The following PCDHGB3 variants were observed in gnomAD, a reference collection of about 807,000 sequenced individuals.
The protein encoded by PCDHGB3 is protocadherin gamma subfamily B, 3.
A neutral mutation model predicts 59.2 loss-of-function variants in PCDHGB3; 40 were observed. The observed-to-expected ratio is 0.68, with a 90% CI of 0.52 to 0.88. The LOEUF is 0.88. Among genes scored for constraint, PCDHGB3 ranks in the 40% least tolerant of loss-of-function variants. The pLI is 0.00. For synonymous variants in PCDHGB3, 581 were observed against 503.6 expected (o/e 1.15, Z -2.06); for missense variants, 1,309 against 1,187.9 (o/e 1.10, Z -1.50).
intron 1 of PCDHGB3, among the ~76,000 whole-genome samples, chr5:141,483,361 A>C (rs752805137): frequency 4.6e-5 from 7 of 152,102 alleles, no homozygotes; most frequent in Non-Finnish European, 7.4e-5. Flanking sequence ...TTTGAAAGCT[A>C]TTGCAATATT....
intron 1 of PCDHGB3, among the ~76,000 whole-genome samples, chr5:141,446,394 A>C (rs796472404): frequency 1.1e-4 from 17 of 152,344 alleles, no homozygotes; most frequent in African/African-American, 3.4e-4. Context: ...ATTTAAGAGA[A>C]ATCGAGTTGA....
intron 1 of PCDHGB3, among the ~76,000 whole-genome samples, chr5:141,461,733 C>G (rs930217307): frequency 2.0e-5 from 3 of 152,168 alleles, no homozygotes; most frequent in African/African-American, 2.4e-5. Context: ...TGCAGTGGCA[C>G]AATCCCGGCT....
intron 1 of PCDHGB3, chr5:141,428,910 A>C (rs956124609): frequency 1.3e-5 from 2 of 151,302 alleles, no homozygotes; most frequent in Non-Finnish European, 2.9e-5. Context: ...GCTGGAGTGC[A>C]GTGGCATGAT....
At chr5:141,510,335 AC>A (rs1247622083) in intron 3 of PCDHGB3, among the ~76,000 whole-genome samples, 1 of 149,138 alleles carries the variant, frequency 6.7e-6, no homozygotes, top group African/African-American at 2.5e-5. Context: ...CTTCACCCCC[AC>A]CCCACACACT....
intron 2 of PCDHGB3, among the ~76,000 whole-genome samples, chr5:141,503,456 A>G (rs920770738): frequency 1.3e-5 from 2 of 152,058 alleles, no homozygotes; most frequent in African/African-American, 4.8e-5. Context: ...TTCGCTGGGC[A>G]TGGTGGCATG....
intron 1 of PCDHGB3, among the ~76,000 whole-genome samples, 199 bp downstream of exon 1, chr5:141,373,008 C>T (rs1031800528): frequency 6.6e-6 from 1 of 152,074 alleles, no homozygotes; most frequent in Non-Finnish European, 1.5e-5. Flanking sequence ...CATAGAAAGC[C>T]TCCTTTTGAT....
At chr5:141,448,822 G>A (rs924937891) in intron 1 of PCDHGB3, among the ~76,000 whole-genome samples, 4 of 152,048 alleles carry the variant, frequency 2.6e-5, no homozygotes, top group African/African-American at 9.7e-5. Context: ...GCGGGCGCCT[G>A]TAGTCCCAGC....
At chr5:141,410,560 A>C (rs769354927) in intron 1 of PCDHGB3, 42 of 1,612,824 alleles carry the variant, frequency 2.6e-5, no homozygotes, top group Non-Finnish European at 3.5e-5. Context: ...TTTCTCCTGG[A>C]GCCTTAATTC....
At position 141,477,100 on chromosome 5, in the gene PCDHGB3, C is replaced by A. The variant is rs970613825; in HGVS notation, c.2416-17707C>A. On this transcript the variant is annotated intron_variant, in intron 1 of 3. Transcript: ENST00000576222. This position sits in a 1 kb window ranked among gnomAD's most constrained non-coding sequence, Gnocchi z 4.9. ...TTTACATCCAGGCCAAAGACAAGGGCGCCAATCCCGAAGGAGCACATTGCA... is the reference window on the plus strand; with the variant it reads ...TTTACATCCAGGCCAAAGACAAGGGAGCCAATCCCGAAGGAGCACATTGCA... 1 of 1,614,216 alleles carries A rather than the reference C, an allele frequency of 6.2e-7. No homozygotes were observed. Among genetic ancestry groups the A allele is most frequent in the Non-Finnish European group, 8.5e-7 (1 of 1,180,040 alleles).
intron 1 of PCDHGB3, among the ~76,000 whole-genome samples, chr5:141,464,882 A>T (rs1418376370): frequency 6.6e-6 from 1 of 151,918 alleles, no homozygotes; most frequent in Middle Eastern, 3.2e-3. Context: ...AGGACTACAG[A>T]TGGATGCCAC....
chr5:141,426,559 C>T (rs1401963895), intron 1 of PCDHGB3: 1 of 353,038 alleles, frequency 2.8e-6, no homozygotes, highest in Non-Finnish European at 5.6e-6. Context: ...CAGAATAGAT[C>T]GAGAGTCACT....
At chr5:141,444,752 T>C (rs1376810825) in intron 1 of PCDHGB3, among the ~76,000 whole-genome samples, 2 of 152,228 alleles carry the variant, frequency 1.3e-5, no homozygotes, top group Non-Finnish European at 2.9e-5. Context: ...CTGATATATG[T>C]AGTTCTATTT....
chr5:141,395,542 T>TTGTTTGTGTGTG (rs1267535064), intron 1 of PCDHGB3: 12 of 168,716 alleles, frequency 7.1e-5, no homozygotes, highest in African/African-American at 6.9e-4. Flanking sequence ...TTGCTATTGT[T>TTGTTTGTGTGTG]TGTGTGTGTG....
At position 141,371,867 on chromosome 5, in the gene PCDHGB3, C is replaced by A. The variant is rs1452583584; in HGVS notation, c.1473C>A (p.Ile491=). ...LGPNGLVSYY[I]VASDLEPREL... ...CTAATGGCCTTGTCTCCTACTACAT[C>A]GTGGCCAGTGACCTGGAGCCGCGGG... The change falls in exon 1 of 4, where the codon ATC becomes ATA. Residue 491 remains isoleucine, a synonymous_variant. Transcript: ENST00000576222. 8.7e-6 allele frequency: 14 copies of A among 1,613,430 alleles called. No homozygotes were observed. The highest frequency in any genetic ancestry group is 1.0e-5 in the Non-Finnish European group (12 of 1,179,916).
At chr5:141,430,567 A>G in intron 1 of PCDHGB3, 1 of 434,308 alleles carries the variant, frequency 2.3e-6, no homozygotes, top group Non-Finnish European at 3.9e-6. Context: ...GGGGAGAGAA[A>G]AGCGGAGATC....
chr5:141,373,122 C>T (rs1449230885), intron 1 of PCDHGB3, among the ~76,000 whole-genome samples: 5 of 152,156 alleles, frequency 3.3e-5, no homozygotes, highest in African/African-American at 1.2e-4. Flanking sequence ...CAGAATTAGA[C>T]CCAAATCCTC....
rs1019219811 is a variant in PCDHGB3, at chr5:141,420,399, T to G, written c.2415+47590T>G. ...AGAGTTCGCAAAATATAGGTCAAAT[T>G]TATGGTTATCATTATTAAAACAAAA... On this transcript the variant is annotated intron_variant, in intron 1 of 3. Transcript: ENST00000576222. 5.6e-6 allele frequency: 7 copies of G among 1,257,080 alleles called. No individual in the cohort carries two copies. In the Admixed American group the frequency reaches 1.8e-4, roughly 32 times the overall value. 77.9% of individuals were successfully genotyped at this position (1,257,080 alleles called of 1,614,324 possible).
In PCDHGB3 at chr5:141,422,240, T is replaced by C. The variant is rs1472994337; in HGVS notation, c.2415+49431T>C. ...ACCACCACGACGATGTTGATCACTG[T>C]TGTGGATGTGAATGATAACGCTCCA... On this transcript the variant is annotated intron_variant, in intron 1 of 3. Coordinates refer to ENST00000576222, the MANE Select transcript of PCDHGB3 (RefSeq NM_018924.5). 1.3e-6 allele frequency: 2 copies of C among 1,566,716 alleles called. No individual in the cohort carries two copies. The highest frequency in any genetic ancestry group is 1.2e-5 in the South Asian group (1 of 81,384).
rs577770679 is a variant in PCDHGB3, at chr5:141,458,782, G to A, written c.2416-36025G>A. Reference sequence around the variant, plus strand: ...GGGTCTTGCTGTGTCACACAGGCTGGAGTGCAGTGGTGTGATCTCAGCTCA... The same window carrying A: ...GGGTCTTGCTGTGTCACACAGGCTGAAGTGCAGTGGTGTGATCTCAGCTCA... On this transcript the variant is annotated intron_variant, in intron 1 of 3. Coordinates refer to ENST00000576222, the MANE Select transcript of PCDHGB3 (RefSeq NM_018924.5). 3.3e-5 allele frequency among the ~76,000 whole-genome samples: 5 copies of A among 152,020 alleles called. No homozygotes were observed. In the East Asian group the frequency reaches 9.7e-4, roughly 30 times the overall value.
Sources: allele counts gnomAD v4.1 joint callset (sites outside exome capture counted in the v4.1 genomes callset), GRCh38; gene constraint gnomAD v4.1.1; non-coding constraint Gnocchi (gnomAD v3.1); transcripts MANE v1.5; gene names NCBI Gene and HGNC (gene_info 2026-07-23, HGNC 2026-07-21).